Variants in CARM1 observed in about 807,000 individuals in gnomAD.
The protein encoded by CARM1 is histone-arginine methyltransferase CARM1.
Under a neutral mutation model 72.7 loss-of-function variants are expected in CARM1, and 14 were observed. The ratio of observed to expected loss-of-function variants is 0.19; its 90% CI spans 0.13 to 0.30. CARM1 has a LOEUF of 0.30. CARM1 is among the 10% of genes least tolerant of loss of function. The pLI, the probability that CARM1 is intolerant of heterozygous loss-of-function variation, is 1.00. For missense variants in CARM1, 432 were observed against 833.7 expected (o/e 0.52, Z 5.93); for synonymous variants, 333 against 345.5 (o/e 0.96, Z 0.40).
Position 10,871,910 on chromosome 19 carries a change from G to A in CARM1, c.208G>A (p.Ala70Thr), listed in dbSNP as rs1159843957. 3.3e-6 allele frequency: 4 copies of A among 1,212,550 alleles called. No individual in the cohort carries two copies. Among genetic ancestry groups the A allele is most frequent in the South Asian group, 6.2e-5 (2 of 32,390 alleles). 75.1% of individuals were successfully genotyped at this position (1,212,550 alleles called of 1,614,324 possible). The change falls in exon 1 of 16, where the codon GCC becomes ACC. Residue 70 changes from alanine to threonine, a missense_variant. Physicochemically the swap from Ala to Thr is moderately conservative, Grantham distance 58. Around this residue, in one of 3 missense-constraint regions of CARM1, gnomAD observed 138 missense variants for 192.3 expected, o/e 0.72. Coordinates refer to ENST00000327064, the MANE Select transcript of CARM1 (RefSeq NM_199141.2). This position sits in a 1 kb window ranked among gnomAD's most constrained non-coding sequence, Gnocchi z 5.6. ...CGCCGGCCCGGACTCGGCGGGCATC[G>A]CCCTCTACAGCCGTGAGTACGGGGC... ...VRAGPDSAGI[A>T]LYSHEDVCVF...
intron 1 of CARM1, among the ~76,000 whole-genome samples, chr19:10,898,615 C>CT (rs1778388364): frequency 6.6e-6 from 1 of 152,218 alleles, no homozygotes. Flanking sequence ...GGTTGCTGGC[C>CT]TTGAGAGGAT....
chr19:10,921,184 G>GC (rs1435777168), intron 14 of CARM1, 57 bp downstream of exon 14: 9 of 1,549,810 alleles, frequency 5.8e-6, no homozygotes, highest in Admixed American at 1.7e-5. Context: ...CTGCCCAGGG[G>GC]CCGGGAAGGG....
chr19:10,884,460 T>TACA (rs1400366272), intron 1 of CARM1, among the ~76,000 whole-genome samples: 1 of 151,978 alleles, frequency 6.6e-6, no homozygotes, highest in Non-Finnish European at 1.5e-5. Flanking sequence ...GATCTAGGAT[T>TACA]ACAGGCCTGA....
In CARM1 at chr19:10,916,005, C is replaced by G. The variant is rs535969377; in HGVS notation, c.848-402C>G. On this transcript the variant is annotated intron_variant, in intron 6 of 15. Coordinates refer to ENST00000327064, the MANE Select transcript of CARM1 (RefSeq NM_199141.2). The surrounding 1 kb of genome is among the most constrained non-coding windows in gnomAD (Gnocchi z 4.4). ...GGTAGCCCGGGGCCCACCACCCTCC[C>G]TCTGTCCAGAGCAACTTTGCTATGC... is the stretch of plus-strand genomic sequence containing the variant. Among the ~76,000 whole-genome samples the G allele has an allele frequency of 2.0e-5, 3 of 152,254 alleles. No individual in the cohort carries two copies. The highest frequency in any genetic ancestry group is 2.9e-5 in the Non-Finnish European group (2 of 68,040).
At chr19:10,872,020 T>G in intron 1 of CARM1, 98 bp downstream of exon 1, 1 of 987,024 alleles carries the variant, frequency 1.0e-6, no homozygotes, top group Non-Finnish European at 1.3e-6. Context: ...CGCGGGGGCC[T>G]GGCGTGGGGT....
intron 6 of CARM1, among the ~76,000 whole-genome samples, chr19:10,914,502 A>G (rs2074179815): frequency 6.6e-6 from 1 of 152,150 alleles, no homozygotes; most frequent in African/African-American, 2.4e-5. Context: ...CTGTCTGGCA[A>G]GCCCATCTGT....
chr19:10,894,007 G>A (rs950182973), intron 1 of CARM1, among the ~76,000 whole-genome samples: 1 of 152,198 alleles, frequency 6.6e-6, no homozygotes, highest in Non-Finnish European at 1.5e-5. Context: ...GCACATGGGT[G>A]CCAAGCCACA....
chr19:10,916,270 G>A lies in CARM1; in HGVS notation c.848-137G>A. The A allele has an allele frequency of 1.6e-6, 1 of 634,674 alleles. No homozygotes were observed. The highest frequency in any genetic ancestry group is 2.9e-6 in the Non-Finnish European group (1 of 350,670). 39.3% of individuals were successfully genotyped at this position (634,674 alleles called of 1,614,324 possible). A position where few individuals can be genotyped will look rare whatever the true frequency, so the allele number is the denominator to read the frequency against. On this transcript the variant is annotated intron_variant, in intron 6 of 15. Coordinates refer to ENST00000327064, the MANE Select transcript of CARM1 (RefSeq NM_199141.2). This position sits in a 1 kb window ranked among gnomAD's most constrained non-coding sequence, Gnocchi z 4.4. ...ATCAGAATAGGCGCTCGGTGCCACT[G>A]TCACAGGAGTGCAGGAACGAATGGA... is the stretch of plus-strand genomic sequence containing the variant.
At chr19:10,904,496 G>A (rs1259548607) in intron 1 of CARM1, among the ~76,000 whole-genome samples, 1 of 152,238 alleles carries the variant, frequency 6.6e-6, no homozygotes, top group Non-Finnish European at 1.5e-5. Context: ...GAGAGGCTGA[G>A]GGACATGCCT....
At chr19:10,919,321 G>A (rs2074222047) in intron 8 of CARM1, 5 of 417,506 alleles carry the variant, frequency 1.2e-5, no homozygotes, top group Non-Finnish European at 2.1e-5. Flanking sequence ...AATTATACAT[G>A]TAAGTTTGTT....
rs568293658 is a variant in CARM1 at position 10,917,305 on chromosome 19, A to G, written c.1020+528A>G. Among the ~76,000 whole-genome samples, 61 of 152,068 alleles carry G rather than the reference A, an allele frequency of 4.0e-4. No individual in the cohort carries two copies. In the East Asian group the frequency reaches 5.4e-3, roughly 14 times the overall value. Reference sequence around the variant, plus strand: ...ATTGAGACCAACACGGTGAAACCCCATCTCTACTAAAAATACAAAAAATTA... The same window carrying G: ...ATTGAGACCAACACGGTGAAACCCCGTCTCTACTAAAAATACAAAAAATTA... On this transcript the variant is annotated intron_variant, in intron 8 of 15. Transcript: ENST00000327064.
intron 1 of CARM1, among the ~76,000 whole-genome samples, chr19:10,890,199 C>T (rs1221256165): frequency 2.0e-5 from 3 of 151,504 alleles, no homozygotes; most frequent in Non-Finnish European, 2.9e-5. Context: ...CCAGCCTGGG[C>T]AACATAGGGA....
intron 4 of CARM1, among the ~76,000 whole-genome samples, chr19:10,911,260 G>A (rs1239148124): frequency 6.6e-6 from 1 of 152,116 alleles, no homozygotes; most frequent in Non-Finnish European, 1.5e-5. Flanking sequence ...TCTCCACGTG[G>A]ATCTGCATGG....
At chr19:10,908,676 G>A (rs781526067) in intron 3 of CARM1, 7 of 183,630 alleles carry the variant, frequency 3.8e-5, no homozygotes, top group South Asian at 1.0e-4. Context: ...CAGGTGCCAC[G>A]CTGCCTCCCG....
At chr19:10,891,580 C>A (rs1330389108) in intron 1 of CARM1, among the ~76,000 whole-genome samples, 1 of 152,342 alleles carries the variant, frequency 6.6e-6, no homozygotes, top group East Asian at 1.9e-4. Context: ...TGTTCCCACT[C>A]CCCTCCCCCA....
rs549978703 is a variant in CARM1, at chr19:10,920,038, G to T, written c.1196+72G>T. The T allele has an allele frequency of 8.3e-6, 10 of 1,209,712 alleles. No homozygotes were observed. The highest frequency in any genetic ancestry group is 7.0e-5 in the East Asian group (3 of 42,642). The allele number at this position is 1,209,712 out of a possible 1,614,324, so 74.9% of individuals were successfully genotyped here. A position where few individuals can be genotyped will look rare whatever the true frequency, so the allele number is the denominator to read the frequency against. ...GCTTCCTGCAGCTGCAACCTGGCTG[G>T]GGGGGTGGAACATGGCTCCAGGTTC... On this transcript the variant is annotated intron_variant, in intron 10 of 15. Coordinates refer to ENST00000327064, the MANE Select transcript of CARM1 (RefSeq NM_199141.2). This position sits in a 1 kb window ranked among gnomAD's most constrained non-coding sequence, Gnocchi z 5.3.
rs2073814354 is a variant in CARM1, at chr19:10,871,604, G to GGTAGCGGCA, written c.-98_-97insTAGCGGCAG. ...CGGTAGCGGCAGCGGCGGCGGCGGC[G>GGTAGCGGCA]GCGGCGGCGGCGGCGGCGGCGGCGG... On this transcript the variant is annotated 5_prime_UTR_variant, in exon 1 of 16. Transcript: ENST00000327064. This position sits in a 1 kb window ranked among gnomAD's most constrained non-coding sequence, Gnocchi z 5.6. The GGTAGCGGCA allele has an allele frequency of 9.0e-6, 1 of 110,586 alleles. No homozygotes were observed. Among genetic ancestry groups the GGTAGCGGCA allele is most frequent in the African/African-American group, 3.3e-5 (1 of 30,406 alleles). 6.9% of individuals were successfully genotyped at this position (110,586 alleles called of 1,614,324 possible).
chr19:10,877,032 A>T (rs1454414964), intron 1 of CARM1, among the ~76,000 whole-genome samples: 3 of 152,204 alleles, frequency 2.0e-5, no homozygotes, highest in African/African-American at 7.2e-5. Context: ...GAAAGTTCAG[A>T]GAAAAACCCT....
In CARM1 at chr19:10,896,846, C is replaced by G; in HGVS notation, c.221-8105C>G. On this transcript the variant is annotated intron_variant, in intron 1 of 15. Coordinates refer to ENST00000327064, the MANE Select transcript of CARM1 (RefSeq NM_199141.2). The surrounding 1 kb of genome is among the most constrained non-coding windows in gnomAD (Gnocchi z 5.2). ...CGCCTCTAGGATGGGGAGTGTGTCTCCATTGCCGAGTGCCTAGTGAGCAGA... is the reference window on the plus strand; with the variant it reads ...CGCCTCTAGGATGGGGAGTGTGTCTGCATTGCCGAGTGCCTAGTGAGCAGA... Among the ~76,000 whole-genome samples, 1 of 152,310 alleles carries G rather than the reference C, an allele frequency of 6.6e-6. No homozygotes were observed. The highest frequency in any genetic ancestry group is 2.1e-4 in the South Asian group (1 of 4,828).
Sources: gnomAD v4.1 joint callset for allele counts (sites outside exome capture counted in the v4.1 genomes callset) on GRCh38, gnomAD v4.1.1 for gene constraint, gnomAD v4.1.1 regional missense constraint, Gnocchi (gnomAD v3.1) non-coding constraint, MANE v1.5 for transcripts, NCBI Gene and HGNC (gene_info 2026-07-23, HGNC 2026-07-21) for gene names.